The following THAP4 variants were observed in gnomAD, a reference collection of about 807,000 sequenced individuals.
THAP4 encodes the protein THAP domain containing 4, also known as peroxynitrite isomerase THAP4.
A neutral mutation model predicts 48.1 loss-of-function variants in THAP4; 18 were observed. That is an observed-to-expected ratio of 0.37 (90% CI 0.26 to 0.56). THAP4 has a LOEUF of 0.56. Ranked by LOEUF, THAP4 falls within the 20% of genes least tolerant of loss-of-function variation. The pLI, the probability that THAP4 is intolerant of heterozygous loss-of-function variation, is 0.78. For missense variants in THAP4, 656 were observed against 774.9 expected (o/e 0.85, Z 1.82); for synonymous variants, 345 against 324.9 (o/e 1.06, Z -0.66).
intron 2 of THAP4, among the ~76,000 whole-genome samples, chr2:241,625,063 G>A (rs952773535): frequency 2.0e-5 from 3 of 152,150 alleles, no homozygotes; most frequent in South Asian, 2.1e-4. Context: ...TAGCTTCATT[G>A]GTGGATTTTA....
chr2:241,607,642 G>A (rs1206091951), intron 2 of THAP4, among the ~76,000 whole-genome samples: 1 of 150,808 alleles, frequency 6.6e-6, no homozygotes, highest in Non-Finnish European at 1.5e-5. Flanking sequence ...CAAGCACAGA[G>A]ACCGGCCTGC....
chr2:241,615,277 A>G (rs996650471), intron 2 of THAP4, among the ~76,000 whole-genome samples: 1 of 152,206 alleles, frequency 6.6e-6, no homozygotes, highest in Non-Finnish European at 1.5e-5. Flanking sequence ...TGCACCTGCC[A>G]AAACTCACCA....
intron 2 of THAP4, 78 bp downstream of exon 2, chr2:241,632,839 C>G: frequency 1.7e-6 from 2 of 1,181,450 alleles, no homozygotes; most frequent in African/African-American, 3.1e-5. Context: ...CAGAAATGCT[C>G]AGGGGACGCT....
chr2:241,598,667 G>A (rs1011231471), intron 5 of THAP4, among the ~76,000 whole-genome samples: 2 of 152,056 alleles, frequency 1.3e-5, no homozygotes, highest in Admixed American at 6.6e-5. Context: ...AGAATCTAAT[G>A]CTGCCACCTG....
In THAP4 at chr2:241,633,738, T is replaced by C. The variant is rs570505256; in HGVS notation, c.419A>G (p.Glu140Gly). ...SSSGNPMAKP[E>G]SRRLKQAALQ... ...AGCAGCTTGCTTCAACCTGCGGGACTCTGGCTTGGCCATCGGGTTTCCACT... is the reference window on the plus strand; with the variant it reads ...AGCAGCTTGCTTCAACCTGCGGGACCCTGGCTTGGCCATCGGGTTTCCACT... The change falls in exon 2 of 6, where the codon GAG (glutamate) becomes GGG (glycine). Residue 140 changes from glutamate (E) to glycine (G), a missense_variant. Glu to Gly is a moderately conservative substitution (Grantham distance 98). Transcript: ENST00000407315. The surrounding 1 kb of genome is among the most constrained non-coding windows in gnomAD (Gnocchi z 7.5). The C allele has an allele frequency of 6.2e-7, 1 of 1,612,118 alleles. No homozygotes were observed. The highest frequency in any genetic ancestry group is 1.1e-5 in the South Asian group (1 of 91,032).
intron 2 of THAP4, among the ~76,000 whole-genome samples, chr2:241,614,794 CAGG>C: frequency 6.6e-6 from 1 of 152,226 alleles, no homozygotes; most frequent in Admixed American, 6.5e-5. Flanking sequence ...GAGGCTGAGG[CAGG>C]AGAATCGCTT....
At chr2:241,629,161 C>T (rs192354330) in intron 2 of THAP4, among the ~76,000 whole-genome samples, 1 of 151,974 alleles carries the variant, frequency 6.6e-6, no homozygotes, top group Non-Finnish European at 1.5e-5. Flanking sequence ...GAGGGGCTCA[C>T]GTGTTTGTTT....
chr2:241,614,797 G>T (rs956246238), intron 2 of THAP4, among the ~76,000 whole-genome samples: 2 of 152,168 alleles, frequency 1.3e-5, no homozygotes, highest in African/African-American at 4.8e-5. Context: ...GCTGAGGCAG[G>T]AGAATCGCTT....
At chr2:241,628,605 A>C (rs1020435136) in intron 2 of THAP4, among the ~76,000 whole-genome samples, 1 of 150,752 alleles carries the variant, frequency 6.6e-6, no homozygotes, top group African/African-American at 2.4e-5. Flanking sequence ...AGCCATCGCC[A>C]TCTACCCTGG....
intron 2 of THAP4, among the ~76,000 whole-genome samples, chr2:241,623,234 A>T (rs546656457): frequency 2.6e-5 from 4 of 151,716 alleles, no homozygotes; most frequent in African/African-American, 7.3e-5. Context: ...ATAATAATAA[A>T]AATAAAACAA....
chr2:241,594,638 G>T, intron 5 of THAP4: 1 of 289,520 alleles, frequency 3.5e-6, no homozygotes, highest in Non-Finnish European at 6.9e-6. Flanking sequence ...CATACCTGTG[G>T]CCCCAGCTAC....
intron 5 of THAP4, among the ~76,000 whole-genome samples, chr2:241,600,418 C>CTG (rs544124838): frequency 3.9e-4 from 59 of 152,088 alleles, no homozygotes; most frequent in African/African-American, 1.3e-3. Flanking sequence ...AAAAGGAAAG[C>CTG]TGTAAGAATA....
chr2:241,630,269 G>A (rs544921491), intron 2 of THAP4, among the ~76,000 whole-genome samples: 2 of 152,278 alleles, frequency 1.3e-5, no homozygotes, highest in South Asian at 4.1e-4. Flanking sequence ...ATGGCACGCA[G>A]CCCAAGGAAC....
At chr2:241,590,414 CTGA>C (rs2066947788) in intron 5 of THAP4, among the ~76,000 whole-genome samples, 1 of 7,266 alleles carries the variant, frequency 1.4e-4, no homozygotes, top group Non-Finnish European at 3.5e-4. Context: ...AGCTGCTCGG[CTGA>C]TGATAATGGG....
chr2:241,637,289 G>C (rs1038866941), upstream of THAP4: 10 of 1,124,156 alleles, frequency 8.9e-6, no homozygotes, highest in Middle Eastern at 3.5e-4. Context: ...CGGCAGGCGG[G>C]CAGACGGGCG....
chr2:241,634,775 CTG>C (rs1425875050), intron 1 of THAP4, among the ~76,000 whole-genome samples: 2 of 152,242 alleles, frequency 1.3e-5, no homozygotes, highest in African/African-American at 4.8e-5. Context: ...TGAGCTAAGA[CTG>C]CACCACTGCT....
intron 3 of THAP4, among the ~76,000 whole-genome samples, chr2:241,604,117 C>G (rs965143644): frequency 2.0e-5 from 3 of 151,770 alleles, no homozygotes; most frequent in African/African-American, 7.3e-5. Context: ...TTTTTTTGCT[C>G]TGTCACCCAG....
At chr2:241,623,926 T>G (rs1291308327) in intron 2 of THAP4, among the ~76,000 whole-genome samples, 18 of 152,182 alleles carry the variant, frequency 1.2e-4, no homozygotes, top group Admixed American at 1.2e-3. Flanking sequence ...CTGATACCAT[T>G]TGGGTGTCCT....
intron 2 of THAP4, among the ~76,000 whole-genome samples, chr2:241,613,014 A>G (rs988998206): frequency 2.6e-5 from 4 of 152,234 alleles, no homozygotes; most frequent in Non-Finnish European, 5.9e-5. Flanking sequence ...ATCGGGTTAA[A>G]TAAAATATAT....
Sources: allele counts gnomAD v4.1 joint callset (sites outside exome capture counted in the v4.1 genomes callset), GRCh38; gene constraint gnomAD v4.1.1; non-coding constraint Gnocchi (gnomAD v3.1); transcripts MANE v1.5; gene names NCBI Gene and HGNC (gene_info 2026-07-23, HGNC 2026-07-21).